DOCK5: variants seen among roughly 807,000 people sequenced by gnomAD.
The protein encoded by DOCK5 is dedicator of cytokinesis protein 5.
A neutral mutation model predicts 251.8 loss-of-function variants in DOCK5; 142 were observed. The observed-to-expected ratio is 0.56, with a 90% confidence interval of 0.49 to 0.65. DOCK5 has a LOEUF of 0.65. DOCK5 is among the 30% of genes least tolerant of loss of function. The pLI, the probability that DOCK5 is intolerant of heterozygous loss-of-function variation, is 0.00. For missense variants in DOCK5, 2,111 were observed against 2,312.3 expected (o/e 0.91, Z 1.79); for synonymous variants, 842 against 835.5 (o/e 1.01, Z -0.13).
chr8:25,306,922 G>A lies in DOCK5; in HGVS notation c.1050-1861G>A, dbSNP rs529825763. 8.5e-5 allele frequency among the ~76,000 whole-genome samples: 13 copies of A among 152,140 alleles called. 1 individual carries two copies. In the South Asian group the frequency reaches 1.2e-3, roughly 15 times the overall value. On this transcript the variant is annotated intron_variant, in intron 11 of 51. Transcript: ENST00000276440. ...AATATATAGACTACTACACACCTAC[G>A]CTGTATGGTATAGCCTATTGCTCCT...
At chr8:25,329,748 A>T (rs1335612188) in intron 18 of DOCK5, among the ~76,000 whole-genome samples, 1 of 152,196 alleles carries the variant, frequency 6.6e-6, no homozygotes, top group Non-Finnish European at 1.5e-5. Flanking sequence ...TAGCAAAAAA[A>T]CTAGAGACAA....
Position 25,391,906 on chromosome 8 carries a change from G to A in DOCK5, c.4366G>A (p.Ala1456Thr). The A allele has an allele frequency of 1.2e-6, 2 of 1,613,850 alleles. No individual in the cohort carries two copies. ...TTTGTCCTTCTCCAGCTACTACAGAGCCAATGAAGTGCAGCAGTTCAGATA... is the reference window on the plus strand; with the variant it reads ...TTTGTCCTTCTCCAGCTACTACAGAACCAATGAAGTGCAGCAGTTCAGATA... ...VPEQILNYYR[A>T]NEVQQFRYSR... The change falls in exon 43 of 52, where the codon GCC (alanine) becomes ACC (threonine). Residue 1456 changes from alanine (A) to threonine (T), a missense_variant. Ala to Thr is a moderately conservative substitution (Grantham distance 58, BLOSUM62 0). Coordinates refer to ENST00000276440, the MANE Select transcript of DOCK5 (RefSeq NM_024940.8).
At chr8:25,257,461 GC>G (rs1451823913) in intron 2 of DOCK5, among the ~76,000 whole-genome samples, 1 of 152,184 alleles carries the variant, frequency 6.6e-6, no homozygotes. Flanking sequence ...ACAACATGCA[GC>G]CCTTTAGCAA....
chr8:25,393,507 C>T (rs565465063), intron 44 of DOCK5, among the ~76,000 whole-genome samples: 76 of 152,306 alleles, frequency 5.0e-4, no homozygotes, highest in Non-Finnish European at 8.1e-4. Context: ...AGCACACACA[C>T]GTATGGCCTA....
chr8:25,268,869 A>C lies in DOCK5; in HGVS notation c.152A>C (p.Gln51Pro). ...YEGWYRGYTLQNKSKKGIFPE... is the reference protein window; with the variant it reads ...YEGWYRGYTLPNKSKKGIFPE... ...GGTTGGTACAGAGGATATACCCTCC[A>C]AAATAAATCTAAAAAGGTATGACTT... The change falls in exon 3 of 52, where the codon CAA becomes CCA. Residue 51 changes from glutamine (Q) to proline (P), a missense_variant. Physicochemically the swap from Gln to Pro is moderately conservative, Grantham distance 76. Coordinates refer to ENST00000276440, the MANE Select transcript of DOCK5 (RefSeq NM_024940.8). 4 of 1,560,896 alleles carry C rather than the reference A, an allele frequency of 2.6e-6. No individual in the cohort carries two copies. The highest frequency in any genetic ancestry group is 3.5e-6 in the Non-Finnish European group (4 of 1,158,726).
chr8:25,243,307 C>T (rs374153287), intron 1 of DOCK5, among the ~76,000 whole-genome samples: 5 of 151,052 alleles, frequency 3.3e-5, no homozygotes, highest in Admixed American at 2.0e-4. Context: ...GTTTGTTGAC[C>T]GAATTGTTCA....
intron 25 of DOCK5, among the ~76,000 whole-genome samples, 174 bp downstream of exon 25, chr8:25,342,681 G>A (rs867373273): frequency 3.4e-5 from 4 of 118,558 alleles, no homozygotes; most frequent in Admixed American, 1.7e-4. Context: ...TTGTTTGTTT[G>A]TTTTTTCTTG....
intron 1 of DOCK5, among the ~76,000 whole-genome samples, chr8:25,222,697 CAG>C (rs1408877553): frequency 2.0e-5 from 3 of 152,218 alleles, no homozygotes; most frequent in Non-Finnish European, 2.9e-5. Context: ...TCGCCTCCAT[CAG>C]GGGCTCCTGG....
At chr8:25,249,606 G>A (rs4872298) in intron 2 of DOCK5, among the ~76,000 whole-genome samples, 26,437 of 151,958 alleles carry the variant, frequency 0.17, 2,600 homozygotes, top group Admixed American at 0.25. Context: ...CATCTCTCTC[G>A]CCCTCTCTCT....
intron 14 of DOCK5, 74 bp from the exon 15 acceptor site, chr8:25,319,504 G>T (rs1805362543): frequency 3.0e-6 from 3 of 1,004,056 alleles, no homozygotes; most frequent in Admixed American, 2.1e-5. Context: ...TGAGGGGCTT[G>T]TGCATGGTAT....
chr8:25,194,216 C>T (rs1330663247), intron 1 of DOCK5, among the ~76,000 whole-genome samples: 1 of 152,016 alleles, frequency 6.6e-6, no homozygotes, highest in Non-Finnish European at 1.5e-5. Flanking sequence ...ATTGCTTCAG[C>T]CCAGGAGGCG....
intron 9 of DOCK5, among the ~76,000 whole-genome samples, chr8:25,301,359 G>T (rs1342659593): frequency 6.6e-6 from 1 of 152,102 alleles, no homozygotes; most frequent in Non-Finnish European, 1.5e-5. Flanking sequence ...CAGGGTGGAC[G>T]TTATCATTGA....
In DOCK5 at chr8:25,314,044, C is replaced by T. The variant is rs562347667; in HGVS notation, c.1319-2963C>T. Among the ~76,000 whole-genome samples, 5 of 151,530 alleles carry T rather than the reference C, an allele frequency of 3.3e-5. No individual in the cohort carries two copies. In the South Asian group the frequency reaches 1.0e-3, roughly 32 times the overall value. On this transcript the variant is annotated intron_variant, in intron 13 of 51. Coordinates refer to ENST00000276440, the MANE Select transcript of DOCK5 (RefSeq NM_024940.8). ...CACCTTCAAATCTGTAGCTCCAGGA[C>T]CAAGACCTCTTTAATGAATTCTAGG...
Position 25,412,915 on chromosome 8 carries a change from T to A in DOCK5, c.*1617T>A, listed in dbSNP as rs1362814219. ...CAGGGCGTTACTTAAGAAATGAGTA[T>A]GCAGATTCTGGAAGGGGTGTGGAAA... On this transcript the variant is annotated 3_prime_UTR_variant, in exon 52 of 52. Transcript: ENST00000276440. The A allele has an allele frequency of 2.0e-5, 3 of 152,340 alleles. No individual in the cohort carries two copies. The highest frequency in any genetic ancestry group is 3.9e-4 in the East Asian group (2 of 5,190). The allele number at this position is 152,340 out of a possible 1,614,324, so 9.4% of individuals were successfully genotyped here. A position where few individuals can be genotyped will look rare whatever the true frequency, so the allele number is the denominator to read the frequency against.
chr8:25,358,439 A>G (rs185032677), intron 27 of DOCK5, among the ~76,000 whole-genome samples: 11 of 152,340 alleles, frequency 7.2e-5, no homozygotes, highest in African/African-American at 2.2e-4. Context: ...AATGGGAACT[A>G]CAATTCAAGA....
At chr8:25,326,963 C>A (rs2117209524) in intron 18 of DOCK5, among the ~76,000 whole-genome samples, 1 of 152,184 alleles carries the variant, frequency 6.6e-6, no homozygotes, top group South Asian at 2.1e-4. Context: ...CAGTATGATC[C>A]CAGTTTTATT....
Position 25,283,468 on chromosome 8 carries a change from G to A in DOCK5, c.321+4803G>A, listed in dbSNP as rs186305116. Among the ~76,000 whole-genome samples, 11 of 152,268 alleles carry A rather than the reference G, an allele frequency of 7.2e-5. No homozygotes were observed. The East Asian group carries it at 9.7e-4, about 13-fold the overall frequency. On this transcript the variant is annotated intron_variant, in intron 5 of 51. Transcript: ENST00000276440. ...ATGTAAAAGCTGCCGTGTTGACCGC[G>A]TAGAACTCTGAGAGTATGGAAAGAG...
intron 47 of DOCK5, among the ~76,000 whole-genome samples, chr8:25,402,335 C>T (rs928740936): frequency 1.3e-5 from 2 of 151,896 alleles, no homozygotes; most frequent in Admixed American, 6.6e-5. Flanking sequence ...CTCGCTCTGT[C>T]GCCCAGGCTG....
At chr8:25,305,326 G>A (rs1209208002) in intron 11 of DOCK5, 1 of 150,590 alleles carries the variant, frequency 6.6e-6, no homozygotes, top group Non-Finnish European at 1.5e-5. Flanking sequence ...GAGAAAGTTA[G>A]CTAGCCATTT....
Sources: allele counts gnomAD v4.1 joint callset (sites outside exome capture counted in the v4.1 genomes callset), GRCh38; gene constraint gnomAD v4.1.1; transcripts MANE v1.5; gene names NCBI Gene and HGNC (gene_info 2026-07-23, HGNC 2026-07-21).